Variants in TG observed in about 807,000 individuals in gnomAD.
TG encodes the protein thyroglobulin.
A neutral mutation model predicts 324.7 loss-of-function variants in TG; 270 were observed. The ratio of observed to expected loss-of-function variants is 0.83; its 90% CI spans 0.75 to 0.92. TG has a LOEUF of 0.92. TG is among the 40% of genes least tolerant of loss of function. TG has a pLI of 0.00. For missense variants in TG, 3,591 were observed against 3,456.4 expected, an observed-to-expected ratio of 1.04 and a Z score of -0.98; for synonymous variants, 1,401 against 1,327.0, an observed-to-expected ratio of 1.06 and a Z score of -1.21.
intron 40 of TG, among the ~76,000 whole-genome samples, chr8:133,024,375 TTTC>T (rs1835864089): frequency 8.3e-6 from 1 of 119,916 alleles, no homozygotes; most frequent in Non-Finnish European, 1.8e-5. Flanking sequence ...TCTTTCTTTC[TTTC>T]TTTCTTTCTT....
chr8:133,042,981 AC>A (rs533952648), intron 41 of TG, among the ~76,000 whole-genome samples: 23,014 of 151,814 alleles, frequency 0.15, 2,431 homozygotes, highest in East Asian at 0.47. Flanking sequence ...GGCATGACCC[AC>A]CATGCCTGGC....
Position 132,888,030 on chromosome 8 carries a change from G to T in TG, c.2223G>T (p.Thr741=), listed in dbSNP as rs779145179. ...AGTCTGAGCAAGCTTTCCTCAGGACGGTGCAGGCCCTGCTCTCTAACTCCA... is the reference window on the plus strand; with the variant it reads ...AGTCTGAGCAAGCTTTCCTCAGGACTGTGCAGGCCCTGCTCTCTAACTCCA... ...QLQSEQAFLR[T]VQALLSNSSM... The change falls in exon 10 of 48, where the codon ACG becomes ACT. Residue 741 remains threonine, a synonymous_variant. Transcript: ENST00000220616. 6 of 1,614,092 alleles carry T rather than the reference G, an allele frequency of 3.7e-6. No homozygotes were observed. Among genetic ancestry groups the T allele is most frequent in the Middle Eastern group, 3.3e-4 (2 of 6,062 alleles).
intron 17 of TG, among the ~76,000 whole-genome samples, chr8:132,907,839 A>G (rs1183463312): frequency 6.6e-6 from 1 of 152,120 alleles, no homozygotes; most frequent in Non-Finnish European, 1.5e-5. Context: ...ATTCATTCCC[A>G]TCATCTATGA....
At chr8:133,109,591 G>A (rs965306556) in intron 43 of TG, among the ~76,000 whole-genome samples, 1 of 152,142 alleles carries the variant, frequency 6.6e-6, no homozygotes, top group Non-Finnish European at 1.5e-5. Flanking sequence ...AGCTGGGTTT[G>A]TTCCCCACCT....
chr8:132,919,398 T>G lies in TG; in HGVS notation c.4401T>G (p.Tyr1467Ter). The change falls in exon 21 of 48, where the codon TAT (tyrosine) becomes TAG (stop). Residue 1467 changes from tyrosine to a stop codon, truncating the protein, a stop_gained. Coordinates refer to ENST00000220616, the MANE Select transcript of TG (RefSeq NM_003235.5). LOFTEE classifies it high-confidence loss of function. ...LGCVKCPEGS[Y>*]SQDEECIPCP... The stretch of plus-strand genomic sequence containing the variant: ...TAGTTAAGTGTCCTGAAGGAAGCTA[T>G]TCCCAAGATGAGGAATGCATTCCTT... 6.2e-7 allele frequency: 1 copy of G among 1,614,144 alleles called. No homozygotes were observed. The highest frequency in any genetic ancestry group is 8.5e-7 in the Non-Finnish European group (1 of 1,180,018).
chr8:133,102,439 G>A (rs978524546), intron 43 of TG: 26 of 900,034 alleles, frequency 2.9e-5, no homozygotes, highest in Non-Finnish European at 4.2e-5. Flanking sequence ...GACCAAAGAC[G>A]GAGGGTGGGT....
chr8:132,972,977 C>T (rs1829736997), intron 34 of TG, among the ~76,000 whole-genome samples: 4 of 152,104 alleles, frequency 2.6e-5, no homozygotes, highest in Admixed American at 2.6e-4. Flanking sequence ...GGACCATTTC[C>T]ATGGATGTAT....
intron 43 of TG, among the ~76,000 whole-genome samples, chr8:133,106,738 G>C (rs1219979580): frequency 6.6e-6 from 1 of 152,148 alleles, no homozygotes; most frequent in Non-Finnish European, 1.5e-5. Flanking sequence ...CACGAATCTT[G>C]TTCCTTATCA....
Position 132,887,291 on chromosome 8 carries a change from A to G in TG, c.1919A>G (p.Asn640Ser), listed in dbSNP as rs755826566. 4.9e-5 allele frequency: 79 copies of G among 1,604,194 alleles called. 1 individual carries two copies. In the South Asian group the frequency reaches 7.1e-4, roughly 14 times the overall value. The part of the protein sequence containing the change: ...QCFSGECWCV[N>S]SWGKELPGSR... Reference sequence around the variant, plus strand: ...TTTTCCGGAGAGTGCTGGTGTGTGAATTCCTGGGGCAAAGAGCTTCCAGGC... The same window carrying G: ...TTTTCCGGAGAGTGCTGGTGTGTGAGTTCCTGGGGCAAAGAGCTTCCAGGC... The change falls in exon 9 of 48, where the codon AAT (asparagine) becomes AGT (serine). Residue 640 changes from asparagine to serine, a missense_variant. Physicochemically the swap from Asn to Ser is conservative, Grantham distance 46. Coordinates refer to ENST00000220616, the MANE Select transcript of TG (RefSeq NM_003235.5).
chr8:133,036,046 T>A (rs1837086748), intron 41 of TG, among the ~76,000 whole-genome samples: 1 of 152,140 alleles, frequency 6.6e-6, no homozygotes, highest in Non-Finnish European at 1.5e-5. Flanking sequence ...TCCTTTTAGC[T>A]CCTTCAGCAT....
chr8:133,081,530 A>G (rs1439351914), intron 41 of TG, among the ~76,000 whole-genome samples: 1 of 152,152 alleles, frequency 6.6e-6, no homozygotes, highest in East Asian at 1.9e-4. Flanking sequence ...CTAAATGTGT[A>G]TGTCATCAGA....
At chr8:133,095,230 G>A (rs367848163) in intron 42 of TG, 22 bp downstream of exon 42, 14 of 1,614,028 alleles carry the variant, frequency 8.7e-6, no homozygotes, top group Non-Finnish European at 1.1e-5. Context: ...AGTGCAAGTT[G>A]GGAAGGGACA....
Position 132,972,219 on chromosome 8 carries a change from T to A in TG, c.6055+346T>A, listed in dbSNP as rs1300303944. 3 of 448,782 alleles carry A rather than the reference T, an allele frequency of 6.7e-6. No homozygotes were observed. The East Asian group carries it at 1.4e-4, about 21-fold the overall frequency. 27.8% of individuals were successfully genotyped at this position (448,782 alleles called of 1,614,324 possible). A position where few individuals can be genotyped will look rare whatever the true frequency, so the allele number is the denominator to read the frequency against. On this transcript the variant is annotated intron_variant, in intron 33 of 47. Transcript: ENST00000220616. ...CTTAATGCTTGGTTGATTCCCTTACTAGTGTGTGATTCTGGAAAAGTCACT... is the reference window on the plus strand; with the variant it reads ...CTTAATGCTTGGTTGATTCCCTTACAAGTGTGTGATTCTGGAAAAGTCACT...
intron 44 of TG, 190 bp downstream of exon 44, chr8:133,113,793 G>A: frequency 1.5e-6 from 1 of 666,966 alleles, no homozygotes; most frequent in Non-Finnish European, 2.5e-6. Flanking sequence ...CATGTAGGGT[G>A]GACCCTGCTG....
intron 35 of TG, among the ~76,000 whole-genome samples, chr8:132,992,682 T>C (rs993234819): frequency 1.3e-5 from 2 of 152,174 alleles, no homozygotes; most frequent in African/African-American, 4.8e-5. Context: ...TGGGTGCTGC[T>C]GGCAGAGAGA....
intron 35 of TG, among the ~76,000 whole-genome samples, chr8:132,985,739 C>T (rs1440108286): frequency 6.6e-6 from 1 of 152,124 alleles, no homozygotes. Context: ...AGCTGCAGAT[C>T]GTGTGGGTGC....
chr8:132,955,249 A>G (rs1257526362), intron 27 of TG, among the ~76,000 whole-genome samples: 1 of 152,116 alleles, frequency 6.6e-6, no homozygotes, highest in Non-Finnish European at 1.5e-5. Flanking sequence ...TCTGCCACAC[A>G]TCCAAGCAGT....
intron 43 of TG, among the ~76,000 whole-genome samples, chr8:133,096,854 C>T (rs910831643): frequency 1.3e-5 from 2 of 152,240 alleles, no homozygotes; most frequent in South Asian, 2.1e-4. Context: ...CTGGCAAACA[C>T]GCAGCTTTGT....
chr8:132,892,716 G>A (rs1587275926), intron 10 of TG, among the ~76,000 whole-genome samples: 1 of 151,272 alleles, frequency 6.6e-6, no homozygotes, highest in East Asian at 1.9e-4. Context: ...GTGTTTATGG[G>A]GTTTGTGTAT....
Sources: allele counts gnomAD v4.1 joint callset (sites outside exome capture counted in the v4.1 genomes callset), GRCh38; gene constraint gnomAD v4.1.1; transcripts MANE v1.5; gene names NCBI Gene and HGNC (gene_info 2026-07-23, HGNC 2026-07-21).